The following MTUS2 variants were observed in gnomAD, a reference collection of about 807,000 sequenced individuals.
MTUS2 encodes microtubule-associated tumor suppressor candidate 2.
In MTUS2, 40 loss-of-function variants were observed where a neutral mutation model predicts 114.1. The ratio of observed to expected loss-of-function variants is 0.35; its 90% confidence interval spans 0.27 to 0.46. The LOEUF is 0.46. Among genes scored for constraint, MTUS2 ranks in the 20% least tolerant of loss-of-function variants. The pLI is 1.00. For synonymous variants in MTUS2, 688 were observed against 672.0 expected, an observed-to-expected ratio of 1.02 and a Z score of -0.37; for missense variants, 1,679 against 1,705.4, an observed-to-expected ratio of 0.98 and a Z score of 0.27.
chr13:28,899,245 C>G (rs1879484443), intron 2 of MTUS2, among the ~76,000 whole-genome samples: 1 of 152,150 alleles, frequency 6.6e-6, no homozygotes. Context: ...TGCCTCCTTA[C>G]ATATTTTAAG....
chr13:29,190,943 A>G lies in MTUS2; in HGVS notation c.2644+89973A>G, dbSNP rs550320513. Reference sequence around the variant, plus strand: ...AAGTGATTTACCCTGAGAAGATGCCATACTCTTGGCTTGCCCACATAGGCA... The same window carrying G: ...AAGTGATTTACCCTGAGAAGATGCCGTACTCTTGGCTTGCCCACATAGGCA... On this transcript the variant is annotated intron_variant, in intron 5 of 15. Coordinates refer to ENST00000612955, the MANE Select transcript of MTUS2 (RefSeq NM_001033602.4). Among the ~76,000 whole-genome samples, 29 of 152,240 alleles carry G rather than the reference A, an allele frequency of 1.9e-4. No individual in the cohort carries two copies. The South Asian group carries it at 3.7e-3, about 20-fold the overall frequency.
intron 2 of MTUS2, among the ~76,000 whole-genome samples, chr13:28,960,948 A>G (rs1351584916): frequency 2.6e-5 from 4 of 152,216 alleles, no homozygotes; most frequent in Non-Finnish European, 5.9e-5. Context: ...AATGGATGAT[A>G]TAAAGAAAAA....
intron 5 of MTUS2, among the ~76,000 whole-genome samples, chr13:29,141,941 G>A (rs1160872607): frequency 6.7e-6 from 1 of 148,154 alleles, no homozygotes; most frequent in Non-Finnish European, 1.5e-5. Context: ...CTCACTTCAA[G>A]CTCCACCTCC....
intron 2 of MTUS2, among the ~76,000 whole-genome samples, chr13:28,980,731 T>C (rs1005225431): frequency 6.6e-6 from 1 of 152,118 alleles, no homozygotes; most frequent in Admixed American, 6.5e-5. Flanking sequence ...ATATTTGTAA[T>C]TTTGATAGAT....
In MTUS2 at chr13:29,389,337, G is replaced by GTATA. The variant is rs1566172409; in HGVS notation, c.3117+29867_3117+29868insATAT. Among the ~76,000 whole-genome samples the GTATA allele has an allele frequency of 4.1e-4, 20 of 48,924 alleles. 2 individuals are homozygous for GTATA. Among genetic ancestry groups the GTATA allele is most frequent in the East Asian group, 7.9e-4 (1 of 1,264 alleles). The allele number at this position is 48,924 out of a possible 152,430, so 32.1% of individuals were successfully genotyped here. A position where few individuals can be genotyped will look rare whatever the true frequency, so the allele number is the denominator to read the frequency against. ...TGTATACACATATGTGTGTATATATGTATGCACGTGTGTGTATATATGTAT... is the reference window on the plus strand; with the variant it reads ...TGTATACACATATGTGTGTATATATGTATATATGCACGTGTGTGTATATATGTAT... On this transcript the variant is annotated intron_variant, in intron 8 of 15. Coordinates refer to ENST00000612955, the MANE Select transcript of MTUS2 (RefSeq NM_001033602.4).
chr13:28,975,120 G>T (rs1331464821), intron 2 of MTUS2, among the ~76,000 whole-genome samples: 2 of 152,240 alleles, frequency 1.3e-5, no homozygotes, highest in South Asian at 4.2e-4. Context: ...AGGCTCTTCC[G>T]CACTTAACCC....
intron 5 of MTUS2, among the ~76,000 whole-genome samples, chr13:29,180,060 T>C (rs1593566109): frequency 3.3e-5 from 5 of 152,218 alleles, no homozygotes; most frequent in Admixed American, 3.3e-4. Context: ...CTTTGGCTGG[T>C]TTTCAAATAA....
Position 28,998,599 on chromosome 13 carries a change from C to A in MTUS2, c.-242-25858C>A, listed in dbSNP as rs570104470. Among the ~76,000 whole-genome samples, 48 of 152,236 alleles carry A rather than the reference C, an allele frequency of 3.2e-4. No homozygotes were observed. In the Middle Eastern group the frequency reaches 0.01, roughly 32 times the overall value. On this transcript the variant is annotated intron_variant, in intron 2 of 15. Coordinates refer to ENST00000612955, the MANE Select transcript of MTUS2 (RefSeq NM_001033602.4). The stretch of plus-strand genomic sequence containing the variant: ...GAGGCTTTATTCATTTCTTTTTATT[C>A]TTTTTTCTCTAAACTTCTCTTCACG...
At chr13:29,436,161 G>C (rs774280283) in intron 8 of MTUS2, among the ~76,000 whole-genome samples, 1 of 152,182 alleles carries the variant, frequency 6.6e-6, no homozygotes. Flanking sequence ...AAGCTTCATG[G>C]TAATAAGTGC....
chr13:28,835,188 T>C (rs1045780895), intron 1 of MTUS2, among the ~76,000 whole-genome samples: 4 of 152,142 alleles, frequency 2.6e-5, no homozygotes, highest in African/African-American at 9.7e-5. Context: ...AATTGAAAAC[T>C]TACATATCCA....
intron 5 of MTUS2, among the ~76,000 whole-genome samples, chr13:29,230,525 T>C (rs1430306864): frequency 6.6e-6 from 1 of 152,244 alleles, no homozygotes; most frequent in Non-Finnish European, 1.5e-5. Context: ...TAGCTGCTGT[T>C]ATTGCTCTCT....
chr13:29,304,179 AAAC>A (rs2139616667), intron 6 of MTUS2, among the ~76,000 whole-genome samples: 1 of 152,322 alleles, frequency 6.6e-6, no homozygotes, highest in East Asian at 1.9e-4. Flanking sequence ...GCCACTATGA[AAAC>A]ACACTGAAGT....
intron 5 of MTUS2, among the ~76,000 whole-genome samples, chr13:29,168,541 G>A (rs1256022093): frequency 6.6e-6 from 1 of 152,066 alleles, no homozygotes; most frequent in Non-Finnish European, 1.5e-5. Flanking sequence ...AGCAAAGGTC[G>A]GCATTCACAA....
intron 2 of MTUS2, among the ~76,000 whole-genome samples, chr13:29,007,226 CAGTT>C (rs1427611078): frequency 6.6e-6 from 1 of 151,908 alleles, no homozygotes; most frequent in Non-Finnish European, 1.5e-5. Context: ...CATAAGAAAA[CAGTT>C]GTTTTAAATT....
rs1283083793 is a variant in MTUS2 at position 29,496,829 on chromosome 13, T to C, written c.3580-409T>C. 6.6e-6 allele frequency among the ~76,000 whole-genome samples: 1 copy of C among 152,082 alleles called. No homozygotes were observed. Among genetic ancestry groups the C allele is most frequent in the African/African-American group, 2.4e-5 (1 of 41,400 alleles). On this transcript the variant is annotated intron_variant, in intron 12 of 15. Coordinates refer to ENST00000612955, the MANE Select transcript of MTUS2 (RefSeq NM_001033602.4). This position sits in a 1 kb window ranked among gnomAD's most constrained non-coding sequence, Gnocchi z 4.3. ...AAGTCAAGGAGGGTTTGAAGGGATC[T>C]GAATTGAGCTTCCTAAATGAGAATA...
At chr13:29,073,274 A>G (rs1368826744) in intron 4 of MTUS2, among the ~76,000 whole-genome samples, 1 of 152,248 alleles carries the variant, frequency 6.6e-6, no homozygotes, top group African/African-American at 2.4e-5. Context: ...AATTAAAAAC[A>G]CACTGCATGA....
At chr13:29,088,048 G>A (rs1350994869) in intron 4 of MTUS2, among the ~76,000 whole-genome samples, 1 of 114,046 alleles carries the variant, frequency 8.8e-6, no homozygotes, top group Non-Finnish European at 1.7e-5. Context: ...GACAGAGCAA[G>A]ACTCCGTCTC....
intron 9 of MTUS2, among the ~76,000 whole-genome samples, chr13:29,473,562 T>C (rs1425195834): frequency 6.6e-6 from 1 of 152,232 alleles, no homozygotes; most frequent in East Asian, 1.9e-4. Context: ...TTGATATCTT[T>C]ATATATTATA....
intron 5 of MTUS2, among the ~76,000 whole-genome samples, chr13:29,145,858 G>T (rs1346589698): frequency 1.3e-5 from 2 of 152,150 alleles, no homozygotes; most frequent in Non-Finnish European, 2.9e-5. Flanking sequence ...AGTGTAAATA[G>T]TTTTGGAAGC....
Sources: gnomAD v4.1 joint callset for allele counts (sites outside exome capture counted in the v4.1 genomes callset) on GRCh38, gnomAD v4.1.1 for gene constraint, Gnocchi (gnomAD v3.1) non-coding constraint, MANE v1.5 for transcripts, NCBI Gene and HGNC (gene_info 2026-07-23, HGNC 2026-07-21) for gene names.